Variants in ERP44 observed in about 807,000 individuals in gnomAD.
The protein encoded by ERP44 is endoplasmic reticulum protein 44.
In ERP44, 25 loss-of-function variants were observed where a neutral mutation model predicts 53.4. The observed-to-expected ratio is 0.47, with a 90% confidence interval of 0.34 to 0.65. The LOEUF is 0.65. ERP44 is among the 30% of genes least tolerant of loss of function. The pLI is 0.01. For synonymous variants in ERP44, 145 were observed against 161.2 expected (o/e 0.90, Z 0.76); for missense variants, 338 against 493.2 (o/e 0.69, Z 2.98).
intron 2 of ERP44, among the ~76,000 whole-genome samples, chr9:100,058,542 C>T (rs1487001505): frequency 6.6e-6 from 1 of 152,190 alleles, no homozygotes; most frequent in African/African-American, 2.4e-5. Context: ...AATCCCACAT[C>T]ACAGAAAAGA....
intron 1 of ERP44, among the ~76,000 whole-genome samples, chr9:100,092,530 A>G (rs1188921284): frequency 1.3e-5 from 2 of 152,262 alleles, no homozygotes; most frequent in Admixed American, 1.3e-4. Flanking sequence ...CGGAACTTAC[A>G]TAGATGCCAT....
At chr9:100,091,195 C>A (rs1247647443) in intron 1 of ERP44, among the ~76,000 whole-genome samples, 1 of 152,186 alleles carries the variant, frequency 6.6e-6, no homozygotes, top group African/African-American at 2.4e-5. Context: ...CAAAGTTCTA[C>A]ATAATGATGA....
chr9:100,063,075 C>CAAAAAAAAA lies in ERP44; in HGVS notation c.58-2912_58-2904dup, dbSNP rs58004954. Among the ~76,000 whole-genome samples the CAAAAAAAAA allele has an allele frequency of 1.3e-3, 54 of 40,054 alleles. 8 individuals carry two copies. The highest frequency in any genetic ancestry group is 0.011 in the East Asian group (8 of 754). 26.3% of individuals were successfully genotyped at this position (40,054 alleles called of 152,430 possible). A position where few individuals can be genotyped will look rare whatever the true frequency, so the allele number is the denominator to read the frequency against. On this transcript the variant is annotated intron_variant, in intron 1 of 11. Transcript: ENST00000262455. ...GATGACAGAACAGGACCCTGTCTCA[C>CAAAAAAAAA]AAAAAAAAAAAAAAAAAAGAGAGAG...
intron 1 of ERP44, among the ~76,000 whole-genome samples, chr9:100,061,707 A>G (rs1441968024): frequency 2.0e-5 from 3 of 151,390 alleles, no homozygotes; most frequent in African/African-American, 4.8e-5. Context: ...GGTGTAGCCA[A>G]TAACTATCAT....
intron 8 of ERP44, among the ~76,000 whole-genome samples, chr9:100,008,996 G>A (rs1034296979): frequency 4.6e-5 from 7 of 152,122 alleles, no homozygotes; most frequent in African/African-American, 1.7e-4. Context: ...GCCTGCCTCA[G>A]CCTCCCAAAG....
intron 1 of ERP44, among the ~76,000 whole-genome samples, chr9:100,086,007 C>T (rs1045321828): frequency 6.6e-6 from 1 of 152,156 alleles, no homozygotes; most frequent in African/African-American, 2.4e-5. Flanking sequence ...CTAAATTCAA[C>T]TAGAGAAAGA....
At chr9:99,998,478 G>A (rs556160224) in intron 10 of ERP44, 4 of 704,538 alleles carry the variant, frequency 5.7e-6, no homozygotes, top group African/African-American at 1.8e-5. Context: ...ACTCTTCCTG[G>A]TCTCTCCACG....
chr9:100,010,629 C>T (rs932613945), intron 8 of ERP44, among the ~76,000 whole-genome samples: 5 of 152,124 alleles, frequency 3.3e-5, no homozygotes, highest in East Asian at 1.9e-4. Context: ...AGGCTGGGCA[C>T]GGTGGCTCAC....
chr9:99,982,986 A>C (rs767126635), intron 11 of ERP44, among the ~76,000 whole-genome samples: 8 of 152,126 alleles, frequency 5.3e-5, no homozygotes, highest in Non-Finnish European at 1.0e-4. Context: ...AGGGACCAAA[A>C]TACCTGACAC....
chr9:100,022,221 T>C lies in ERP44; in HGVS notation c.292A>G (p.Ile98Val), dbSNP rs1321536319. The C allele has an allele frequency of 6.2e-7, 1 of 1,607,574 alleles. No homozygotes were observed. The highest frequency in any genetic ancestry group is 1.7e-5 in the Admixed American group (1 of 58,582). Residue 98 changes from isoleucine (I) to valine (V), a missense_variant, in exon 5 of 12, where the codon ATA becomes GTA. Ile to Val is a conservative substitution (Grantham distance 29). Transcript: ENST00000262455. ...ARVDCDQHSD[I>V]AQRYRISKYP... The stretch of plus-strand genomic sequence containing the variant: ...TTGCTTATCCTGTATCTCTGGGCTA[T>C]GTCAGCTAAAAGAATGAAAAAAAAT...
At chr9:99,995,677 T>C (rs1480216115) in intron 10 of ERP44, among the ~76,000 whole-genome samples, 1 of 152,236 alleles carries the variant, frequency 6.6e-6, no homozygotes, top group African/African-American at 2.4e-5. Context: ...TCCTAGTTCA[T>C]TCATGTTGTT....
intron 1 of ERP44, among the ~76,000 whole-genome samples, chr9:100,068,584 A>C (rs1244675051): frequency 2.6e-5 from 3 of 117,038 alleles, no homozygotes; most frequent in East Asian, 2.8e-4. Context: ...GTCAGCCCCC[A>C]GCCCGGCCGG....
intron 10 of ERP44, among the ~76,000 whole-genome samples, chr9:100,002,456 G>C (rs1830387386): frequency 6.6e-6 from 1 of 152,166 alleles, no homozygotes; most frequent in African/African-American, 2.4e-5. Flanking sequence ...TGATGGTAAT[G>C]AACTCCCTCA....
intron 1 of ERP44, among the ~76,000 whole-genome samples, chr9:100,073,175 C>T (rs746445442): frequency 4.6e-5 from 7 of 152,060 alleles, no homozygotes; most frequent in Non-Finnish European, 1.0e-4. Context: ...TTCCCAAGTA[C>T]GGTTTCAAAG....
chr9:100,061,745 C>T (rs1826152637), intron 1 of ERP44, among the ~76,000 whole-genome samples: 1 of 151,748 alleles, frequency 6.6e-6, no homozygotes, highest in African/African-American at 2.4e-5. Context: ...AAATTATACT[C>T]TCCTAAAAGT....
chr9:100,036,651 C>G (rs1356256558), intron 4 of ERP44, among the ~76,000 whole-genome samples: 1 of 151,998 alleles, frequency 6.6e-6, no homozygotes, highest in Admixed American at 6.6e-5. Flanking sequence ...ACCCCCGATT[C>G]TAAAATAAAA....
chr9:100,087,963 C>T (rs1249860436), intron 1 of ERP44, among the ~76,000 whole-genome samples: 1 of 152,058 alleles, frequency 6.6e-6, no homozygotes. Context: ...AATCAAAAAA[C>T]ACGTCAGGAA....
At chr9:100,032,479 T>A (rs774187748) in intron 4 of ERP44, among the ~76,000 whole-genome samples, 1 of 152,244 alleles carries the variant, frequency 6.6e-6, no homozygotes, top group Non-Finnish European at 1.5e-5. Context: ...TTATTTGGTA[T>A]GAAAATCATA....
intron 1 of ERP44, among the ~76,000 whole-genome samples, chr9:100,062,413 G>A (rs1213395167): frequency 1.3e-5 from 2 of 152,136 alleles, no homozygotes; most frequent in Non-Finnish European, 2.9e-5. Context: ...ACCAGTTCTA[G>A]ATAACTGTGG....
Sources: allele counts gnomAD v4.1 joint callset (sites outside exome capture counted in the v4.1 genomes callset), GRCh38; gene constraint gnomAD v4.1.1; transcripts MANE v1.5; gene names NCBI Gene and HGNC (gene_info 2026-07-23, HGNC 2026-07-21).